The following ZNF362 variants were observed in gnomAD, a reference collection of about 807,000 sequenced individuals.
ZNF362 encodes the protein rotund homolog.
In ZNF362, 11 loss-of-function variants were observed where a neutral mutation model predicts 42.9. The observed-to-expected ratio is 0.26, with a 90% CI of 0.16 to 0.42. The LOEUF (loss-of-function observed/expected upper bound fraction) is 0.42, where lower values mean the gene tolerates loss of function less well. Ranked by LOEUF, ZNF362 falls within the 20% of genes least tolerant of loss-of-function variation. ZNF362 has a pLI of 1.00. For synonymous variants in ZNF362, 255 were observed against 257.3 expected, an observed-to-expected ratio of 0.99 and a Z score of 0.09; for missense variants, 362 against 576.2, an observed-to-expected ratio of 0.63 and a Z score of 3.81.
intron 6 of ZNF362, chr1:33,282,017 C>G (rs1303355384): frequency 2.0e-5 from 12 of 594,420 alleles, no homozygotes; most frequent in Non-Finnish European, 3.0e-5. Context: ...TTTGCACATG[C>G]TGTGTCCTTT....
At chr1:33,283,280 T>A (rs1355464083) in intron 6 of ZNF362, among the ~76,000 whole-genome samples, 1 of 152,182 alleles carries the variant, frequency 6.6e-6, no homozygotes, top group African/African-American at 2.4e-5. Context: ...CTCTATTTTT[T>A]ATTTGCTTTT....
At chr1:33,147,484 C>G in the ZNF362 span, 1 of 1,613,148 alleles carries the variant, frequency 6.2e-7, no homozygotes, top group Non-Finnish European at 8.5e-7. The surrounding 1 kb of genome is among the most constrained non-coding windows in gnomAD (Gnocchi z 8.1). Flanking sequence ...GCTGCCCTTG[C>G]GGCTTGCGGC....
At chr1:33,147,046 G>A in the ZNF362 span, 1 of 908,594 alleles carries the variant, frequency 1.1e-6, no homozygotes, top group Non-Finnish European at 1.7e-6. This position sits in a 1 kb window ranked among gnomAD's most constrained non-coding sequence, Gnocchi z 8.1. Flanking sequence ...CAGACTGGAG[G>A]CTGGAGGGTA....
At chr1:33,210,612 T>C in the ZNF362 span, among the ~76,000 whole-genome samples, 1 of 152,192 alleles carries the variant, frequency 6.6e-6, no homozygotes. Context: ...GATGCTCCTG[T>C]ATTGGGTGCA....
chr1:33,275,866 C>A (rs2148094429), intron 2 of ZNF362, among the ~76,000 whole-genome samples: 1 of 152,092 alleles, frequency 6.6e-6, no homozygotes, highest in Non-Finnish European at 1.5e-5. Flanking sequence ...TGACCTTTGC[C>A]CTATGGGGCC....
intron 4 of ZNF362, among the ~76,000 whole-genome samples, chr1:33,277,401 C>T (rs371162409): frequency 5.9e-5 from 9 of 152,272 alleles, no homozygotes; most frequent in African/African-American, 1.7e-4. Flanking sequence ...GCTGAGGCTT[C>T]GAGGAAGCAG....
chr1:33,196,940 C>T, the ZNF362 span, among the ~76,000 whole-genome samples: 1 of 152,150 alleles, frequency 6.6e-6, no homozygotes, highest in Non-Finnish European at 1.5e-5. Context: ...CAGAGATTTA[C>T]ATTTGAGTTG....
At chr1:33,285,309 G>A (rs561681242) in intron 6 of ZNF362, among the ~76,000 whole-genome samples, 1 of 152,214 alleles carries the variant, frequency 6.6e-6, no homozygotes, top group South Asian at 2.1e-4. Context: ...ATCTACTCGG[G>A]AGGCTGAGAC....
chr1:33,279,033 A>AT (rs567038370), intron 4 of ZNF362, among the ~76,000 whole-genome samples: 14 of 151,990 alleles, frequency 9.2e-5, no homozygotes, highest in African/African-American at 1.2e-4. Context: ...TAAATTAATT[A>AT]TTTTTTTTAA....
rs140453245 is a variant in ZNF362 at position 33,280,323 on chromosome 1, C to T, written c.549C>T (p.Gly183=). ...CCATCAAGACAATCCAGGGCCACGGCCTGCTTGGCCCCCCCAAGTCCGAAC... is the reference window on the plus strand; with the variant it reads ...CCATCAAGACAATCCAGGGCCACGGTCTGCTTGGCCCCCCCAAGTCCGAAC... ...LDSIKTIQGH[G]LLGPPKSERG... The change falls in exon 5 of 9, where the codon GGC becomes GGT. Residue 183 remains glycine, a synonymous_variant. Transcript: ENST00000539719. This position sits in a 1 kb window ranked among gnomAD's most constrained non-coding sequence, Gnocchi z 5.6. 4.6e-4 allele frequency: 735 copies of T among 1,614,046 alleles called. 2 individuals are homozygous for T. In the African/African-American group the frequency reaches 8.8e-3, roughly 19 times the overall value.
Position 33,280,480 on chromosome 1 carries a change from G to T in ZNF362, c.683+23G>T, listed in dbSNP as rs1398670796. 1 of 1,529,686 alleles carries T rather than the reference G, an allele frequency of 6.5e-7. No homozygotes were observed. The highest frequency in any genetic ancestry group is 8.8e-7 in the Non-Finnish European group (1 of 1,133,732). 94.8% of individuals were successfully genotyped at this position (1,529,686 alleles called of 1,614,324 possible). On this transcript the variant is annotated intron_variant, in intron 5 of 8. Coordinates refer to ENST00000539719, the MANE Select transcript of ZNF362 (RefSeq NM_152493.3). The surrounding 1 kb of genome is among the most constrained non-coding windows in gnomAD (Gnocchi z 5.6). Reference sequence around the variant, plus strand: ...CAGGTGGGGGTCTTGGCGGGATGGGGTCCGAGTGGGCTTGGGGCTGGGGCT... The same window carrying T: ...CAGGTGGGGGTCTTGGCGGGATGGGTTCCGAGTGGGCTTGGGGCTGGGGCT...
chr1:33,139,867 A>G, the ZNF362 span, among the ~76,000 whole-genome samples: 1 of 152,022 alleles, frequency 6.6e-6, no homozygotes, highest in Non-Finnish European at 1.5e-5. Context: ...GAAGTCCCCT[A>G]TCTCTTTCTA....
the ZNF362 span, among the ~76,000 whole-genome samples, chr1:33,175,090 A>G: frequency 6.8e-6 from 1 of 147,342 alleles, no homozygotes; most frequent in Non-Finnish European, 1.5e-5. Context: ...CCCAGGCTGG[A>G]GAGTAGTGGA....
chr1:33,155,498 T>C, the ZNF362 span, among the ~76,000 whole-genome samples: 1 of 152,088 alleles, frequency 6.6e-6, no homozygotes, highest in East Asian at 1.9e-4. Context: ...CCCTGAGCCT[T>C]GGTCTCCCCA....
the ZNF362 span, among the ~76,000 whole-genome samples, chr1:33,131,939 G>A: frequency 2.0e-5 from 3 of 152,108 alleles, no homozygotes; most frequent in African/African-American, 4.8e-5. Flanking sequence ...AAATGTTAGG[G>A]GAATTGATTG....
At chr1:33,297,655 G>A (rs995067433) in intron 8 of ZNF362, among the ~76,000 whole-genome samples, 2 of 152,098 alleles carry the variant, frequency 1.3e-5, no homozygotes, top group African/African-American at 4.8e-5. Context: ...GGGAATACAG[G>A]CATGTGCCAC....
the ZNF362 span, among the ~76,000 whole-genome samples, chr1:33,205,728 ACAT>A: frequency 6.6e-6 from 1 of 152,180 alleles, no homozygotes; most frequent in East Asian, 1.9e-4. Flanking sequence ...AGCTTGGCAA[ACAT>A]CATGAAACCC....
At position 33,281,024 on chromosome 1, in the gene ZNF362, G is replaced by A. The variant is rs1331486237; in HGVS notation, c.684-563G>A. Among the ~76,000 whole-genome samples, 4 of 151,944 alleles carry A rather than the reference G, an allele frequency of 2.6e-5. No homozygotes were observed. The highest frequency in any genetic ancestry group is 6.5e-5 in the Admixed American group (1 of 15,268). Reference sequence around the variant, plus strand: ...GCAGAGGCTGCAGTGAGCCGAGGTCGGGCCACTGCACTCCAACCTGGGTGA... The same window carrying A: ...GCAGAGGCTGCAGTGAGCCGAGGTCAGGCCACTGCACTCCAACCTGGGTGA... On this transcript the variant is annotated intron_variant, in intron 5 of 8. Transcript: ENST00000539719. This position sits in a 1 kb window ranked among gnomAD's most constrained non-coding sequence, Gnocchi z 4.8.
At chr1:33,207,634 A>T in the ZNF362 span, among the ~76,000 whole-genome samples, 3 of 152,288 alleles carry the variant, frequency 2.0e-5, no homozygotes, top group South Asian at 4.1e-4. Context: ...CTTTTTAATG[A>T]TCGCCATTCT....
Sources: allele counts gnomAD v4.1 joint callset (sites outside exome capture counted in the v4.1 genomes callset), GRCh38; gene constraint gnomAD v4.1.1; non-coding constraint Gnocchi (gnomAD v3.1); transcripts MANE v1.5; gene names NCBI Gene and HGNC (gene_info 2026-07-23, HGNC 2026-07-21).